Variants in TMPRSS2 observed in about 807,000 individuals in gnomAD.
TMPRSS2 encodes the protein transmembrane serine protease 2.
TMPRSS2 carries 59 observed loss-of-function variants against 67.4 expected under a neutral mutation model. That is an observed-to-expected ratio of 0.88 (90% CI 0.71 to 1.09). The LOEUF is 1.09. TMPRSS2 is among the 50% of genes least tolerant of loss of function. The pLI, the probability that TMPRSS2 is intolerant of heterozygous loss-of-function variation, is 0.00. For missense variants in TMPRSS2, 668 were observed against 642.7 expected (o/e 1.04, Z -0.43); for synonymous variants, 257 against 257.0 (o/e 1.00, Z 0.00).
At chr21:41,503,905 G>A (rs763295257) in intron 1 of TMPRSS2, among the ~76,000 whole-genome samples, 8 of 152,232 alleles carry the variant, frequency 5.3e-5, no homozygotes, top group Non-Finnish European at 8.8e-5. Flanking sequence ...CAAGCCCATC[G>A]TCCCTAGAAA....
At chr21:41,493,387 C>T (rs527242422) in intron 3 of TMPRSS2, among the ~76,000 whole-genome samples, 3 of 151,924 alleles carry the variant, frequency 2.0e-5, no homozygotes, top group South Asian at 4.2e-4. Flanking sequence ...GGGGTAGAAA[C>T]GCAGGAGCGG....
At chr21:41,489,667 T>TAG in intron 3 of TMPRSS2, 74 bp from the exon 4 acceptor site, 1 of 935,524 alleles carries the variant, frequency 1.1e-6, no homozygotes, top group Middle Eastern at 2.2e-4. Context: ...TTATCTATTA[T>TAG]TTTTATAGTA....
chr21:41,470,060 C>T (rs2091118178), intron 11 of TMPRSS2, among the ~76,000 whole-genome samples: 5 of 152,292 alleles, frequency 3.3e-5, no homozygotes, highest in South Asian at 2.1e-4. Flanking sequence ...ATGGCCTAGA[C>T]GCTTTTGAGA....
Position 41,505,773 on chromosome 21 carries a change from C to T in TMPRSS2, c.-57+2308G>A, listed in dbSNP as rs986071089. On this transcript the variant is annotated intron_variant, in intron 1 of 13. Coordinates refer to ENST00000332149, the MANE Select transcript of TMPRSS2 (RefSeq NM_005656.4). ...CCACTTGCTGGTAACATTCCAACAT[C>T]CTGGAGGGAGAACCCAGGGAAGGAT... Among the ~76,000 whole-genome samples the T allele has an allele frequency of 3.3e-5, 5 of 152,318 alleles. No homozygotes were observed. In the South Asian group the frequency reaches 1.0e-3, roughly 32 times the overall value.
intron 1 of TMPRSS2, among the ~76,000 whole-genome samples, chr21:41,498,722 C>G (rs1278580316): frequency 2.6e-5 from 4 of 152,218 alleles, no homozygotes; most frequent in African/African-American, 7.2e-5. Context: ...CCATCAATGT[C>G]AGCAGAGATT....
At chr21:41,501,179 C>T (rs1320357053) in intron 1 of TMPRSS2, among the ~76,000 whole-genome samples, 1 of 152,186 alleles carries the variant, frequency 6.6e-6, no homozygotes, top group East Asian at 1.9e-4. Context: ...AAATAAAAGC[C>T]ATGGGACCCA....
At position 41,478,839 on chromosome 21, in the gene TMPRSS2, G is replaced by A. The variant is rs1019976495; in HGVS notation, c.683+333C>T. Among the ~76,000 whole-genome samples the A allele has an allele frequency of 1.3e-5, 2 of 152,168 alleles. No individual in the cohort carries two copies. The highest frequency in any genetic ancestry group is 1.9e-4 in the East Asian group (1 of 5,196). On this transcript the variant is annotated intron_variant, in intron 7 of 13. Coordinates refer to ENST00000332149, the MANE Select transcript of TMPRSS2 (RefSeq NM_005656.4). The surrounding 1 kb of genome is among the most constrained non-coding windows in gnomAD (Gnocchi z 4.0). The stretch of plus-strand genomic sequence containing the variant: ...CATTATCTTGGATTCCTAGAACCAC[G>A]CCCTGACAAAATAGGTACACCTCTA...
chr21:41,481,652 A>G (rs1032312277), intron 5 of TMPRSS2, among the ~76,000 whole-genome samples: 4 of 152,228 alleles, frequency 2.6e-5, no homozygotes, highest in African/African-American at 9.6e-5. Flanking sequence ...GCTGTTTTAT[A>G]TAAAAAATTA....
chr21:41,498,095 G>A (rs540070564), intron 2 of TMPRSS2, 24 bp downstream of exon 2: 2 of 1,558,378 alleles, frequency 1.3e-6, no homozygotes, highest in Admixed American at 3.4e-5. Flanking sequence ...GAAAAGGCCA[G>A]GAAGGTAATA....
At chr21:41,492,218 C>A (rs1395976366) in intron 3 of TMPRSS2, among the ~76,000 whole-genome samples, 16 of 151,572 alleles carry the variant, frequency 1.1e-4, no homozygotes, top group African/African-American at 3.2e-4. Flanking sequence ...AAACAAACAA[C>A]AAAAAAAACC....
rs1384713718 is a variant in TMPRSS2 at position 41,468,558 on chromosome 21, T to A, written c.1172-20A>T. ...TCTTCCCTAAGGACAGGGAGACTTG[T>A]TGAGCTCCCAGTGTTGCCTGCAGCT... On this transcript the variant is annotated intron_variant, in intron 11 of 13. Transcript: ENST00000332149. 6.2e-7 allele frequency: 1 copy of A among 1,613,382 alleles called. No individual in the cohort carries two copies. The highest frequency in any genetic ancestry group is 8.5e-7 in the Non-Finnish European group (1 of 1,179,560).
chr21:41,494,802 G>A (rs2091368239), intron 2 of TMPRSS2: 1 of 583,632 alleles, frequency 1.7e-6, no homozygotes, highest in Non-Finnish European at 3.0e-6. Flanking sequence ...TGGGTGCGGT[G>A]GCTCATGCCT....
chr21:41,473,295 C>T lies in TMPRSS2; in HGVS notation c.899+30G>A, dbSNP rs760485741. 12 of 1,549,674 alleles carry T rather than the reference C, an allele frequency of 7.7e-6. 1 individual carries two copies. In the South Asian group the frequency reaches 1.4e-4, roughly 18 times the overall value. Reference sequence around the variant, plus strand: ...GGTGGCTGTAGGCCAGCCCTGAGCCCCCACCCGGCCCGCGCCGCCCCTGGC... The same window carrying T: ...GGTGGCTGTAGGCCAGCCCTGAGCCTCCACCCGGCCCGCGCCGCCCCTGGC... On this transcript the variant is annotated intron_variant, in intron 9 of 13. Coordinates refer to ENST00000332149, the MANE Select transcript of TMPRSS2 (RefSeq NM_005656.4).
chr21:41,467,219 T>C (rs763901397), intron 13 of TMPRSS2, among the ~76,000 whole-genome samples: 3 of 151,972 alleles, frequency 2.0e-5, no homozygotes, highest in Non-Finnish European at 4.4e-5. Flanking sequence ...AGAAACCCCA[T>C]CTCTACTAAA....
intron 1 of TMPRSS2, 178 bp downstream of exon 1, chr21:41,507,903 G>A (rs978333804): frequency 2.0e-6 from 3 of 1,492,214 alleles, no homozygotes; most frequent in Non-Finnish European, 2.7e-6. Flanking sequence ...ACCCCGGGAG[G>A]CGCCCTGCCC....
intron 10 of TMPRSS2, 27 bp downstream of exon 10, chr21:41,471,779 T>A (rs774835280): frequency 6.4e-7 from 1 of 1,564,532 alleles, no homozygotes; most frequent in African/African-American, 1.4e-5. Flanking sequence ...TCTGCCAACC[T>A]GCTTGCCAAG....
intron 5 of TMPRSS2, 146 bp from the exon 6 acceptor site, chr21:41,480,748 C>T (rs1433902727): frequency 5.3e-6 from 6 of 1,132,906 alleles, no homozygotes; most frequent in East Asian, 5.3e-5. Context: ...AAGTGATTCT[C>T]CTGCCTCAGC....
At chr21:41,495,913 A>AT (rs1232973932) in intron 2 of TMPRSS2, among the ~76,000 whole-genome samples, 1 of 143,010 alleles carries the variant, frequency 7.0e-6, no homozygotes, top group Non-Finnish European at 1.5e-5. Context: ...ATTCTTTAAA[A>AT]TTAAAAAAAA....
In TMPRSS2 at chr21:41,468,102, A is replaced by T. The variant is rs144823388; in HGVS notation, c.1315-216T>A. ...CTGAATTTTAATCTGTTCAAGCTAA[A>T]AGTTACTAAATAAATTGCCGTTCAT... is the stretch of plus-strand genomic sequence containing the variant. On this transcript the variant is annotated intron_variant, in intron 12 of 13. Coordinates refer to ENST00000332149, the MANE Select transcript of TMPRSS2 (RefSeq NM_005656.4). The T allele has an allele frequency of 1.5e-3, 911 of 619,052 alleles. 6 individuals are homozygous for T. In the African/African-American group the frequency reaches 0.015, roughly 10 times the overall value. 38.3% of individuals were successfully genotyped at this position (619,052 alleles called of 1,614,324 possible). A position where few individuals can be genotyped will look rare whatever the true frequency, so the allele number is the denominator to read the frequency against.
Sources: allele counts gnomAD v4.1 joint callset (sites outside exome capture counted in the v4.1 genomes callset), GRCh38; gene constraint gnomAD v4.1.1; non-coding constraint Gnocchi (gnomAD v3.1); transcripts MANE v1.5; gene names NCBI Gene and HGNC (gene_info 2026-07-23, HGNC 2026-07-21).